Variants in ADNP observed in about 807,000 individuals in gnomAD.
ADNP encodes activity dependent neuroprotector homeobox, also known as activity-dependent neuroprotector homeobox protein.
In ADNP, 4 loss-of-function variants were observed where a neutral mutation model predicts 84.9. The observed-to-expected ratio is 0.05, with a 90% CI of 0.02 to 0.11. ADNP has a LOEUF of 0.11. Among genes scored for constraint, ADNP ranks in the 10% least tolerant of loss-of-function variants. The pLI is 1.00. For missense variants in ADNP, 1,132 were observed against 1,326.0 expected, an observed-to-expected ratio of 0.85 and a Z score of 2.27; for synonymous variants, 554 against 468.1, an observed-to-expected ratio of 1.18 and a Z score of -2.37.
rs767538651 is a variant in ADNP at position 50,893,511 on chromosome 20, A to G, written c.1203T>C (p.Ser401=). The G allele has an allele frequency of 1.2e-6, 2 of 1,613,780 alleles. No individual in the cohort carries two copies. Among genetic ancestry groups the G allele is most frequent in the Non-Finnish European group, 1.7e-6 (2 of 1,180,014 alleles). The part of the protein sequence containing the change: ...RYSLQSANAS[S]LSSGQLKSPS... ...GAGACTTTAACTGGCCCGATGAGAG[A>G]GAAGAGGCATTAGCAGACTGCAGGG... Residue 401 remains serine (S), a synonymous_variant, in exon 6 of 6, where the codon TCT becomes TCC. Transcript: ENST00000621696. The surrounding 1 kb of genome is among the most constrained non-coding windows in gnomAD (Gnocchi z 4.4).
chr20:50,917,336 C>A (rs577062195), intron 2 of ADNP, among the ~76,000 whole-genome samples: 2 of 152,330 alleles, frequency 1.3e-5, no homozygotes, highest in East Asian at 3.9e-4. Flanking sequence ...GATTCCATCA[C>A]ATCCAGAGAA....
chr20:50,920,262 CAAAAAA>C (rs56181933), intron 2 of ADNP, among the ~76,000 whole-genome samples: 15 of 64,554 alleles, frequency 2.3e-4, no homozygotes, highest in East Asian at 4.8e-4. Context: ...ATTCCACCTC[CAAAAAA>C]AAAAAAAAAA....
chr20:50,926,163 T>C (rs1187109241), intron 2 of ADNP, among the ~76,000 whole-genome samples: 1 of 152,226 alleles, frequency 6.6e-6, no homozygotes, highest in Non-Finnish European at 1.5e-5. Flanking sequence ...ACGATGCTAA[T>C]AACAAGTCAA....
At chr20:50,920,310 G>GTGGCTCA (rs1282552265) in intron 2 of ADNP, among the ~76,000 whole-genome samples, 1 of 146,496 alleles carries the variant, frequency 6.8e-6, no homozygotes, top group Non-Finnish European at 1.5e-5. Flanking sequence ...AAAGAAAGCA[G>GTGGCTCA]TGGCTCATGC....
Position 50,893,225 on chromosome 20 carries a change from A to G in ADNP, c.1489T>C (p.Tyr497His). ...FTSKCLYCNR[Y>H]LPTDTLLNHM... ...TTGAGCAGAGTATCTGTGGGTAAAT[A>G]GCGATTACAGTAGAGGCATTTGCTA... The change falls in exon 6 of 6, where the codon TAT (tyrosine) becomes CAT (histidine). Residue 497 changes from tyrosine (Y) to histidine (H), a missense_variant. Tyr to His is a moderately conservative substitution (Grantham distance 83, BLOSUM62 2). Coordinates refer to ENST00000621696, the MANE Select transcript of ADNP (RefSeq NM_001282531.3). The surrounding 1 kb of genome is among the most constrained non-coding windows in gnomAD (Gnocchi z 4.4). 1 of 1,614,250 alleles carries G rather than the reference A, an allele frequency of 6.2e-7. No individual in the cohort carries two copies. The highest frequency in any genetic ancestry group is 8.5e-7 in the Non-Finnish European group (1 of 1,180,048).
At chr20:50,908,186 A>T (rs1448739308) in intron 2 of ADNP, among the ~76,000 whole-genome samples, 2 of 130,322 alleles carry the variant, frequency 1.5e-5, no homozygotes, top group African/African-American at 5.8e-5. Flanking sequence ...TACTTTTCTC[A>T]GTAGATAAAA....
intron 2 of ADNP, among the ~76,000 whole-genome samples, chr20:50,919,731 A>G (rs886778559): frequency 1.3e-5 from 2 of 152,188 alleles, no homozygotes; most frequent in Admixed American, 6.5e-5. Context: ...ATTTACTGCA[A>G]AAGACTTCTG....
At chr20:50,925,227 T>C (rs1253936939) in intron 2 of ADNP, among the ~76,000 whole-genome samples, 6 of 151,716 alleles carry the variant, frequency 4.0e-5, no homozygotes, top group Admixed American at 6.6e-5. Flanking sequence ...ACTGTCACTT[T>C]CCACAGTTGG....
intron 5 of ADNP, among the ~76,000 whole-genome samples, chr20:50,901,354 T>C (rs1320706304): frequency 1.9e-5 from 2 of 107,274 alleles, no homozygotes; most frequent in Non-Finnish European, 3.9e-5. Flanking sequence ...AAAAGTCAAA[T>C]ATCTGAGTAC....
chr20:50,921,324 G>A (rs1429832878), intron 2 of ADNP, among the ~76,000 whole-genome samples: 1 of 152,168 alleles, frequency 6.6e-6, no homozygotes. Context: ...TTACATCTGT[G>A]TGAGCCATTC....
intron 1 of ADNP, among the ~76,000 whole-genome samples, chr20:50,929,757 C>T (rs148708072): frequency 6.6e-6 from 1 of 151,616 alleles, no homozygotes; most frequent in Non-Finnish European, 1.5e-5. Flanking sequence ...GATACAGGCA[C>T]AAGAAGCATC....
In ADNP at chr20:50,914,217, C is replaced by CA. The variant is rs1010244826; in HGVS notation, c.-89-9369dup. 10 of 760,512 alleles carry CA rather than the reference C, an allele frequency of 1.3e-5. No individual in the cohort carries two copies. In the African/African-American group the frequency reaches 1.6e-4, roughly 12 times the overall value. 47.1% of individuals were successfully genotyped at this position (760,512 alleles called of 1,614,324 possible). A position where few individuals can be genotyped will look rare whatever the true frequency, so the allele number is the denominator to read the frequency against. On this transcript the variant is annotated intron_variant, in intron 2 of 5. Transcript: ENST00000621696. ...ATATCCTTCTGTACTACAAAGCATC[C>CA]ACAATCATCCAAGACACTGAGGGTA...
Position 50,893,476 on chromosome 20 carries a change from G to A in ADNP, c.1238C>T (p.Ser413Phe), listed in dbSNP as rs770366379. 4 of 1,613,856 alleles carry A rather than the reference G, an allele frequency of 2.5e-6. No individual in the cohort carries two copies. The highest frequency in any genetic ancestry group is 3.3e-5 in the Admixed American group (2 of 60,000). The change falls in exon 6 of 6, where the codon TCT becomes TTT. Residue 413 changes from serine to phenylalanine, a missense_variant. Coordinates refer to ENST00000621696, the MANE Select transcript of ADNP (RefSeq NM_001282531.3). This position sits in a 1 kb window ranked among gnomAD's most constrained non-coding sequence, Gnocchi z 4.4. ...SSGQLKSPSL[S>F]QSQASRVLGQ... is the part of the protein sequence containing the mutation. Reference sequence around the variant, plus strand: ...TAACACTCTGGATGCCTGTGACTGAGAGAGGGAAGGAGACTTTAACTGGCC... The same window carrying A: ...TAACACTCTGGATGCCTGTGACTGAAAGAGGGAAGGAGACTTTAACTGGCC...
chr20:50,927,885 C>G (rs1204911961), intron 2 of ADNP, among the ~76,000 whole-genome samples: 2 of 152,214 alleles, frequency 1.3e-5, no homozygotes, highest in Non-Finnish European at 2.9e-5. Flanking sequence ...AACATTCCGT[C>G]AAATAAGTTG....
chr20:50,908,552 G>A (rs150215935), intron 2 of ADNP, among the ~76,000 whole-genome samples: 13,561 of 151,800 alleles, frequency 0.089, 655 homozygotes, highest in Middle Eastern at 0.13. Context: ...AGGCGGGCGA[G>A]TCACGAGGTC....
At chr20:50,911,696 T>C (rs750136638) in intron 2 of ADNP, among the ~76,000 whole-genome samples, 1 of 152,012 alleles carries the variant, frequency 6.6e-6, no homozygotes, top group Non-Finnish European at 1.5e-5. Flanking sequence ...TGGCACCATA[T>C]AGTCTGTATT....
intron 2 of ADNP, among the ~76,000 whole-genome samples, chr20:50,916,228 C>T (rs777549132): frequency 4.6e-5 from 7 of 152,142 alleles, no homozygotes; most frequent in Non-Finnish European, 1.0e-4. Flanking sequence ...TGTCACCTTC[C>T]ATCAACATGT....
intron 2 of ADNP, among the ~76,000 whole-genome samples, chr20:50,915,826 AAAG>A (rs1983468058): frequency 6.6e-6 from 1 of 152,212 alleles, no homozygotes; most frequent in Non-Finnish European, 1.5e-5. Context: ...GGAAGATAAG[AAAG>A]AAAACTACTT....
intron 5 of ADNP, among the ~76,000 whole-genome samples, chr20:50,895,574 G>A (rs1396583134): frequency 2.0e-5 from 3 of 152,162 alleles, no homozygotes; most frequent in Non-Finnish European, 2.9e-5. Flanking sequence ...TTGAGACAAA[G>A]TCTCACTTTG....
Sources: allele counts gnomAD v4.1 joint callset (sites outside exome capture counted in the v4.1 genomes callset), GRCh38; gene constraint gnomAD v4.1.1; non-coding constraint Gnocchi (gnomAD v3.1); transcripts MANE v1.5; gene names NCBI Gene and HGNC (gene_info 2026-07-23, HGNC 2026-07-21).